Variants in SLC5A11 observed in about 807,000 individuals in gnomAD.
The protein encoded by SLC5A11 is solute carrier family 5 member 11.
SLC5A11 carries 48 observed loss-of-function variants against 69.8 expected under a neutral mutation model. The ratio of observed to expected loss-of-function variants is 0.69; its 90% confidence interval spans 0.55 to 0.87. SLC5A11 has a LOEUF of 0.87. SLC5A11 is among the 40% of genes least tolerant of loss of function. SLC5A11 has a pLI of 0.00. For synonymous variants in SLC5A11, 319 were observed against 342.4 expected (o/e 0.93, Z 0.75); for missense variants, 784 against 866.1 (o/e 0.91, Z 1.19).
Position 24,875,129 on chromosome 16 carries a change from G to A in SLC5A11, c.373-498G>A, listed in dbSNP as rs144187579. On this transcript the variant is annotated intron_variant, in intron 5 of 15. Coordinates refer to ENST00000347898, the Ensembl canonical transcript of SLC5A11. ...GCTAGGATTACAGGTGTAAGCCATC[G>A]TGCATGGCCTCACAATTAAATCTAT... is the stretch of plus-strand genomic sequence containing the variant. Among the ~76,000 whole-genome samples the A allele has an allele frequency of 4.6e-5, 7 of 152,216 alleles. No individual in the cohort carries two copies. The South Asian group carries it at 1.2e-3, about 27-fold the overall frequency.
At chr16:24,897,655 A>C (rs1378961978) in intron 9 of SLC5A11, among the ~76,000 whole-genome samples, 1 of 152,210 alleles carries the variant, frequency 6.6e-6, no homozygotes, top group Non-Finnish European at 1.5e-5. Flanking sequence ...ACAGTTCCAC[A>C]TGGCTGGGGA....
rs759797800 is a variant in SLC5A11, at chr16:24,911,343, A to C, written c.1838A>C (p.Lys613Thr). The C allele has an allele frequency of 1.1e-5, 18 of 1,614,022 alleles. No homozygotes were observed. The highest frequency in any genetic ancestry group is 4.5e-5 in the East Asian group (2 of 44,864). Residue 613 changes from lysine to threonine, a missense_variant, in exon 16 of 16, where the codon AAG (lysine) becomes ACG (threonine). Transcript: ENST00000347898. ...TTCTTTCTAGGTGACATGACCCCAA[A>C]GCAGTCCAAAGTGGTGAAGGCCATC...
chr16:24,902,829 G>A (rs934362597), intron 10 of SLC5A11, among the ~76,000 whole-genome samples: 4 of 152,148 alleles, frequency 2.6e-5, no homozygotes, highest in African/African-American at 7.2e-5. Flanking sequence ...GTGGGCCACC[G>A]TGTCCAGCCA....
chr16:24,902,619 C>T (rs543093096), intron 10 of SLC5A11, among the ~76,000 whole-genome samples: 1 of 149,926 alleles, frequency 6.7e-6, no homozygotes, highest in African/African-American at 2.5e-5. Flanking sequence ...GCGATCTCCA[C>T]TCACTGCAAC....
At chr16:24,890,483 C>CAAAAAAAAAAAAAAAAAAAAA (rs1171814653) in intron 8 of SLC5A11, among the ~76,000 whole-genome samples, 1 of 77,506 alleles carries the variant, frequency 1.3e-5, no homozygotes, top group Non-Finnish European at 2.2e-5. Context: ...GACTTCATAT[C>CAAAAAAAAAAAAAAAAAAAAA]AAAAAAAAAA....
chr16:24,910,934 C>T (rs1338388137), intron 15 of SLC5A11, among the ~76,000 whole-genome samples: 6 of 151,938 alleles, frequency 3.9e-5, no homozygotes, highest in African/African-American at 7.3e-5. Flanking sequence ...TTTGGGAGGC[C>T]GAGGTGGGTG....
intron 3 of SLC5A11, among the ~76,000 whole-genome samples, chr16:24,864,028 G>T (rs1162886989): frequency 6.6e-6 from 1 of 152,162 alleles, no homozygotes; most frequent in East Asian, 1.9e-4. Flanking sequence ...AACAATCAGT[G>T]GTAATTGTTT....
chr16:24,886,227 G>A (rs1166360759), intron 8 of SLC5A11, among the ~76,000 whole-genome samples: 3 of 151,960 alleles, frequency 2.0e-5, no homozygotes, highest in Admixed American at 6.6e-5. Flanking sequence ...TAGGGACGGG[G>A]TTTCACCATC....
chr16:24,869,148 G>A (rs559480115), intron 3 of SLC5A11, among the ~76,000 whole-genome samples: 6 of 152,114 alleles, frequency 3.9e-5, no homozygotes, highest in East Asian at 3.9e-4. Flanking sequence ...GATTACAAAC[G>A]TGAGCCAGAG....
chr16:24,877,272 A>G (rs8052587), exon 7 of SLC5A11: 222,170 of 1,613,606 alleles, frequency 0.14, 16,491 homozygotes, highest in African/African-American at 0.21. Flanking sequence ...ACATGTATGC[A>G]GGTGCCATCT....
At chr16:24,870,444 CACA>C (rs1567605316) in intron 4 of SLC5A11, among the ~76,000 whole-genome samples, 84 of 147,496 alleles carry the variant, frequency 5.7e-4, no homozygotes, top group Middle Eastern at 7.0e-3. Context: ...CAAAAAAAAA[CACA>C]CACACACACA....
rs779452412 is a variant in SLC5A11, at chr16:24,875,746, C to G, written c.477+15C>G. 10 of 1,600,812 alleles carry G rather than the reference C, an allele frequency of 6.2e-6. No homozygotes were observed. Among genetic ancestry groups the G allele is most frequent in the Admixed American group, 3.4e-5 (2 of 59,622 alleles). Reference sequence around the variant, plus strand: ...CCAAGATCTCGGTAAGGCAGGGACACAGCCTGGCCTCACCCATGCAGCATG... The same window carrying G: ...CCAAGATCTCGGTAAGGCAGGGACAGAGCCTGGCCTCACCCATGCAGCATG... On this transcript the variant is annotated intron_variant, in intron 6 of 15. Transcript: ENST00000347898.
intron 1 of SLC5A11, among the ~76,000 whole-genome samples, chr16:24,855,450 A>AG (rs1222147881): frequency 6.6e-6 from 1 of 151,444 alleles, no homozygotes; most frequent in Non-Finnish European, 1.5e-5. Flanking sequence ...AAAAAAAAAA[A>AG]AAATTAGCCA....
chr16:24,875,669 A>G, exon 6 of SLC5A11: 3 of 1,614,002 alleles, frequency 1.9e-6, no homozygotes, highest in East Asian at 2.2e-5. Context: ...CTTCGGTGGC[A>G]TCAGAATCCC....
At chr16:24,904,140 C>T (rs1016515224) in intron 10 of SLC5A11, among the ~76,000 whole-genome samples, 2 of 152,202 alleles carry the variant, frequency 1.3e-5, no homozygotes, top group Non-Finnish European at 2.9e-5. Flanking sequence ...GGAACCACCC[C>T]CATGATCCGA....
chr16:24,881,204 TAAA>T (rs879333733), intron 7 of SLC5A11, among the ~76,000 whole-genome samples: 1 of 138,844 alleles, frequency 7.2e-6, no homozygotes, highest in East Asian at 2.1e-4. Flanking sequence ...AAACTCAAAT[TAAA>T]AAAAAAAAAA....
At chr16:24,854,506 T>G (rs1233886710) in intron 1 of SLC5A11, among the ~76,000 whole-genome samples, 1 of 151,938 alleles carries the variant, frequency 6.6e-6, no homozygotes, top group Non-Finnish European at 1.5e-5. Context: ...CACAGCTCAC[T>G]GCAACCTCCG....
chr16:24,897,308 G>A (rs896407602), intron 9 of SLC5A11, among the ~76,000 whole-genome samples: 3 of 151,958 alleles, frequency 2.0e-5, no homozygotes, highest in Admixed American at 2.0e-4. Context: ...GGATTGCCTT[G>A]GGGACATGCT....
chr16:24,901,972 A>ACG (rs1459759420), intron 10 of SLC5A11, among the ~76,000 whole-genome samples: 4 of 139,938 alleles, frequency 2.9e-5, no homozygotes, highest in African/African-American at 1.0e-4. Context: ...ACACACACAC[A>ACG]CACACACACA....
Sources: allele counts gnomAD v4.1 joint callset (sites outside exome capture counted in the v4.1 genomes callset), GRCh38; gene constraint gnomAD v4.1.1; transcripts MANE v1.5; gene names NCBI Gene and HGNC (gene_info 2026-07-23, HGNC 2026-07-21).